Variants in CCNH observed in about 807,000 individuals in gnomAD.
CCNH encodes the protein cyclin H, also known as cyclin-H.
In CCNH, 31 loss-of-function variants were observed where a neutral mutation model predicts 41.9. That is an observed-to-expected ratio of 0.74 (90% CI 0.56 to 1.00). CCNH has a LOEUF of 1.00. Among genes scored for constraint, CCNH ranks in the 50% least tolerant of loss-of-function variants. The pLI is 0.00. For missense variants in CCNH, 362 were observed against 388.4 expected (o/e 0.93, Z 0.57); for synonymous variants, 138 against 136.1 (o/e 1.01, Z -0.10).
Position 87,324,347 on chromosome 5 carries a change from G to GT in CCNH, c.*91-5451dup, listed in dbSNP as rs912548428. On this transcript the variant is annotated intron_variant and NMD_transcript_variant, in intron 9 of 9. Coordinates refer to the CCNH transcript ENST00000645953. Reference sequence around the variant, plus strand: ...GCATAACATTTCTTGGAGAGGTGTGGTTTTTTTTCTTCCCTTCGTTATCTG... The same window carrying GT: ...GCATAACATTTCTTGGAGAGGTGTGGTTTTTTTTTCTTCCCTTCGTTATCTG... Among the ~76,000 whole-genome samples, 162 of 152,002 alleles carry GT rather than the reference G, an allele frequency of 1.1e-3. 1 individual carries two copies. The highest frequency in any genetic ancestry group is 3.7e-3 in the African/African-American group (154 of 41,454).
At chr5:87,322,328 G>T (rs1374981109) in intron 9 of CCNH, among the ~76,000 whole-genome samples, 1 of 152,154 alleles carries the variant, frequency 6.6e-6, no homozygotes, top group Non-Finnish European at 1.5e-5. Context: ...ATTTTCACAG[G>T]AGCGCAAACC....
At chr5:87,333,352 A>T in intron 9 of CCNH, 1 of 1,612,432 alleles carries the variant, frequency 6.2e-7, no homozygotes, top group Non-Finnish European at 8.5e-7. Context: ...TTTATAATCT[A>T]TTCTCATGTA....
chr5:87,380,628 T>C (rs1353246903), upstream of CCNH: 3 of 1,513,148 alleles, frequency 2.0e-6, no homozygotes, highest in Non-Finnish European at 2.8e-6. Context: ...TTAAATCACA[T>C]ACTAATAGGT....
chr5:87,336,572 T>G (rs1347506220), intron 9 of CCNH, among the ~76,000 whole-genome samples: 1 of 152,150 alleles, frequency 6.6e-6, no homozygotes, highest in African/African-American at 2.4e-5. Context: ...GAGTTATGAT[T>G]AGATTGTATT....
rs142568496 is a variant in CCNH, at chr5:87,383,333, T to A, written c.*90+9437A>T. Among the ~76,000 whole-genome samples the A allele has an allele frequency of 4.3e-4, 65 of 152,290 alleles. No homozygotes were observed. The East Asian group carries it at 0.011, about 25-fold the overall frequency. On this transcript the variant is annotated intron_variant and NMD_transcript_variant, in intron 9 of 9. Coordinates refer to the CCNH transcript ENST00000645953. ...TATATAAAAAGTTTATTTCTACTCC[T>A]GTGGTATTTCAGAAATTCTTAAGAT...
At position 87,362,681 on chromosome 5, in the gene CCNH, G is replaced by A. The variant is rs2112457447; in HGVS notation, c.*90+30089C>T. The A allele has an allele frequency of 6.2e-7, 1 of 1,602,574 alleles. No homozygotes were observed. Among genetic ancestry groups the A allele is most frequent in the Admixed American group, 1.7e-5 (1 of 59,964 alleles). Reference sequence around the variant, plus strand: ...TATCTTCTGAAAAAGGGTAAGTTCAGACTTTTATCATTAACCCATTTGATA... The same window carrying A: ...TATCTTCTGAAAAAGGGTAAGTTCAAACTTTTATCATTAACCCATTTGATA... On this transcript the variant is annotated intron_variant and NMD_transcript_variant, in intron 9 of 9. Coordinates refer to the CCNH transcript ENST00000645953.
rs543548445 is a variant in CCNH at position 87,382,898 on chromosome 5, G to A, written c.*90+9872C>T. The stretch of plus-strand genomic sequence containing the variant: ...GGAATTTGAAATTGTCCTGGGCACC[G>A]TAGCGAGACTCTGCTTTCTACAAAA... On this transcript the variant is annotated intron_variant and NMD_transcript_variant, in intron 9 of 9. Transcript: ENST00000645953. Among the ~76,000 whole-genome samples, 46 of 151,490 alleles carry A rather than the reference G, an allele frequency of 3.0e-4. No individual in the cohort carries two copies. The South Asian group carries it at 7.3e-3, about 24-fold the overall frequency.
At chr5:87,338,154 C>G (rs1466886703) in intron 9 of CCNH, 1 of 1,602,192 alleles carries the variant, frequency 6.2e-7, no homozygotes, top group African/African-American at 1.3e-5. Context: ...TGGATCTTGT[C>G]CGTAATCAGA....
At chr5:87,330,972 T>C in intron 9 of CCNH, 4 of 1,442,648 alleles carry the variant, frequency 2.8e-6, no homozygotes, top group South Asian at 1.4e-5. Context: ...GGTTCCTCAG[T>C]ATAAGATCGA....
exon 10 of CCNH, chr5:87,318,494 CTT>C (rs1756517140): frequency 6.5e-6 from 1 of 153,592 alleles, no homozygotes; most frequent in Non-Finnish European, 1.4e-5. Flanking sequence ...CCTCAGGAAT[CTT>C]ACAGTCATGG....
chr5:87,372,415 TTAAA>T (rs1761015828), downstream of CCNH, among the ~76,000 whole-genome samples: 3 of 152,278 alleles, frequency 2.0e-5, no homozygotes, highest in Admixed American at 6.5e-5. Flanking sequence ...TTCTTCCACT[TTAAA>T]TAACAACACT....
At chr5:87,384,765 G>A (rs1761951594) in intron 9 of CCNH, among the ~76,000 whole-genome samples, 1 of 152,040 alleles carries the variant, frequency 6.6e-6, no homozygotes, top group Admixed American at 6.6e-5. Flanking sequence ...AGTGCTTCCT[G>A]ACTTACCTTT....
At chr5:87,409,539 C>T (rs1258158441) in intron 2 of CCNH, among the ~76,000 whole-genome samples, 176 bp from the exon 3 acceptor site, 1 of 151,912 alleles carries the variant, frequency 6.6e-6, no homozygotes, top group Non-Finnish European at 1.5e-5. Flanking sequence ...TACAGAAATG[C>T]CATAGCCAAA....
intron 9 of CCNH, chr5:87,383,820 G>T (rs1270852657): frequency 3.4e-6 from 5 of 1,476,422 alleles, no homozygotes; most frequent in Non-Finnish European, 3.8e-6. Context: ...CAAAATATTA[G>T]AATTAACAGT....
chr5:87,377,230 AT>A, upstream of CCNH: 1 of 710,676 alleles, frequency 1.4e-6, no homozygotes, highest in Non-Finnish European at 2.3e-6. Flanking sequence ...GGAAGCTGAT[AT>A]TTCTAATGTA....
upstream of CCNH, chr5:87,378,378 A>T: frequency 6.2e-7 from 1 of 1,611,514 alleles, no homozygotes; most frequent in Non-Finnish European, 8.5e-7. Flanking sequence ...TAATCTTCTA[A>T]TGTAAATATT....
In CCNH at chr5:87,411,287, G is replaced by A; in HGVS notation, c.177C>T (p.Tyr59=). 6.2e-7 allele frequency: 1 copy of A among 1,612,698 alleles called. No individual in the cohort carries two copies. The highest frequency in any genetic ancestry group is 8.5e-7 in the Non-Finnish European group (1 of 1,179,408). The change falls in exon 2 of 9, where the codon TAC becomes TAT. Residue 59 remains tyrosine, a synonymous_variant. Transcript: ENST00000256897. Reference sequence around the variant, plus strand: ...AGAATTCCAATAACCTTTTCTCATAGTATTTGCAGAGTGTCATTTCTTCAT... The same window carrying A: ...AGAATTCCAATAACCTTTTCTCATAATATTTGCAGAGTGTCATTTCTTCAT... ...EPHEEMTLCK[Y]YEKRLLEFCS...
chr5:87,383,746 C>T lies in CCNH; in HGVS notation c.*90+9024G>A, dbSNP rs576034504. Reference sequence around the variant, plus strand: ...TTTTTCTTCGACTCATCTGTCCTGCCATCCTGAATCCACGGATGTTCAATA... The same window carrying T: ...TTTTTCTTCGACTCATCTGTCCTGCTATCCTGAATCCACGGATGTTCAATA... On this transcript the variant is annotated intron_variant and NMD_transcript_variant, in intron 9 of 9. Transcript: ENST00000645953. 1 of 1,611,428 alleles carries T rather than the reference C, an allele frequency of 6.2e-7. No homozygotes were observed. The highest frequency in any genetic ancestry group is 2.2e-5 in the East Asian group (1 of 44,744).
intron 9 of CCNH, among the ~76,000 whole-genome samples, chr5:87,361,016 TTACACACACACA>T (rs1192558288): frequency 6.6e-6 from 1 of 152,188 alleles, no homozygotes; most frequent in Non-Finnish European, 1.5e-5. Flanking sequence ...TGCAACACAG[TTACACACACACA>T]TACACACACA....
Sources: gnomAD v4.1 joint callset for allele counts (sites outside exome capture counted in the v4.1 genomes callset) on GRCh38, gnomAD v4.1.1 for gene constraint, MANE v1.5 for transcripts, NCBI Gene and HGNC (gene_info 2026-07-23, HGNC 2026-07-21) for gene names.